Variants in KCNN3 observed in about 807,000 individuals in gnomAD.
KCNN3 encodes the protein small conductance calcium-activated potassium channel protein 3.
KCNN3 carries 16 observed loss-of-function variants against 62.9 expected under a neutral mutation model. The ratio of observed to expected loss-of-function variants is 0.25; its 90% CI spans 0.17 to 0.39. The LOEUF (loss-of-function observed/expected upper bound fraction) is 0.39. KCNN3 is among the 10% of genes least tolerant of loss of function. The pLI, the probability that KCNN3 is intolerant of heterozygous loss-of-function variation, is 1.00. For synonymous variants in KCNN3, 370 were observed against 389.2 expected, an observed-to-expected ratio of 0.95 and a Z score of 0.58; for missense variants, 599 against 949.4, an observed-to-expected ratio of 0.63 and a Z score of 4.85.
At chr1:154,843,602 G>C (rs1229085764) in intron 1 of KCNN3, among the ~76,000 whole-genome samples, 2 of 152,212 alleles carry the variant, frequency 1.3e-5, no homozygotes, top group African/African-American at 4.8e-5. Context: ...TAGCGAGTAT[G>C]CAGGGAGGCT....
At chr1:154,819,839 G>C (rs1650819394) in intron 2 of KCNN3, among the ~76,000 whole-genome samples, 1 of 152,198 alleles carries the variant, frequency 6.6e-6, no homozygotes, top group African/African-American at 2.4e-5. Context: ...GCAAGGCCCA[G>C]CTAGAAGCAG....
At chr1:154,866,301 C>T (rs1652955116) in intron 1 of KCNN3, among the ~76,000 whole-genome samples, 1 of 152,212 alleles carries the variant, frequency 6.6e-6, no homozygotes, top group African/African-American at 2.4e-5. Context: ...AAGATATCTC[C>T]TTTCCTCTCA....
intron 1 of KCNN3, chr1:154,859,651 C>T (rs1240049116): frequency 3.1e-6 from 5 of 1,589,552 alleles, no homozygotes; most frequent in Non-Finnish European, 4.3e-6. Context: ...AGGTCATCTG[C>T]TTCCTCCTCC....
In KCNN3 at chr1:154,704,539, A is replaced by C. The variant is rs1699927796; in HGVS notation, c.*3437T>G. On this transcript the variant is annotated 3_prime_UTR_variant, in exon 8 of 8. Transcript: ENST00000271915. The stretch of plus-strand genomic sequence containing the variant: ...AGTATCACAGTACATCCCTGACTTT[A>C]CAGTACATGAAGCTTTAATATGGCT... 6.6e-6 allele frequency: 1 copy of C among 152,120 alleles called. No homozygotes were observed. Among genetic ancestry groups the C allele is most frequent in the South Asian group, 2.1e-4 (1 of 4,828 alleles). 9.4% of individuals were successfully genotyped at this position (152,120 alleles called of 1,614,324 possible). A position where few individuals can be genotyped will look rare whatever the true frequency, so the allele number is the denominator to read the frequency against.
At chr1:154,811,924 C>T (rs1225606433) in intron 2 of KCNN3, among the ~76,000 whole-genome samples, 1 of 152,218 alleles carries the variant, frequency 6.6e-6, no homozygotes, top group African/African-American at 2.4e-5. Context: ...GCACAGTGCT[C>T]TTCGTTAGGC....
At chr1:154,860,188 G>A (rs1364706526) in intron 1 of KCNN3, among the ~76,000 whole-genome samples, 2 of 152,236 alleles carry the variant, frequency 1.3e-5, no homozygotes, top group African/African-American at 2.4e-5. Flanking sequence ...ATTCTAGGAA[G>A]CACCCTGACT....
At chr1:154,842,176 A>G (rs534878263) in intron 1 of KCNN3, among the ~76,000 whole-genome samples, 2 of 152,290 alleles carry the variant, frequency 1.3e-5, no homozygotes, top group Non-Finnish European at 2.9e-5. Context: ...TTGCCCTGCA[A>G]TGGGGTGGGA....
rs138546374 is a variant in KCNN3 at position 154,709,801 on chromosome 1, C to A, written c.1900-1529G>T. Among the ~76,000 whole-genome samples the A allele has an allele frequency of 2.6e-3, 402 of 152,216 alleles. 2 individuals carry two copies. The highest frequency in any genetic ancestry group is 8.5e-3 in the African/African-American group (355 of 41,538). On this transcript the variant is annotated intron_variant, in intron 7 of 7. Coordinates refer to ENST00000271915, the MANE Select transcript of KCNN3 (RefSeq NM_002249.6). ...AACCTCCTCGAGGCAAACATTCTTC[C>A]CGGAATGTGCAAAATCACCCATTTC...
intron 2 of KCNN3, among the ~76,000 whole-genome samples, chr1:154,817,330 C>T (rs1650708344): frequency 6.6e-6 from 1 of 152,170 alleles, no homozygotes; most frequent in Admixed American, 6.5e-5. Context: ...GATTAAATAC[C>T]AGAGGAAAGG....
At chr1:154,858,733 T>G (rs1444286348) in intron 1 of KCNN3, among the ~76,000 whole-genome samples, 1 of 148,012 alleles carries the variant, frequency 6.8e-6, no homozygotes, top group Admixed American at 6.8e-5. Context: ...ACAAGTCATG[T>G]AACTTTTTTT....
In KCNN3 at chr1:154,780,749, C is replaced by T. The variant is rs114382204; in HGVS notation, c.1030-8356G>A. Among the ~76,000 whole-genome samples the T allele has an allele frequency of 7.3e-3, 1,110 of 151,972 alleles. 8 individuals carry two copies. Among genetic ancestry groups the T allele is most frequent in the Non-Finnish European group, 0.012 (842 of 68,002 alleles). On this transcript the variant is annotated intron_variant, in intron 2 of 7. Coordinates refer to ENST00000271915, the MANE Select transcript of KCNN3 (RefSeq NM_002249.6). Reference sequence around the variant, plus strand: ...GAGGACAGGAGCTGATTGCCAGTGACGAAATGAACTTCTGGGTTTGCAGCA... The same window carrying T: ...GAGGACAGGAGCTGATTGCCAGTGATGAAATGAACTTCTGGGTTTGCAGCA...
At position 154,747,419 on chromosome 1, in the gene KCNN3, T is replaced by C. The variant is rs115462788; in HGVS notation, c.1449-14275A>G. On this transcript the variant is annotated intron_variant, in intron 3 of 7. Transcript: ENST00000271915. Reference sequence around the variant, plus strand: ...AAGAGGAGAGGGGACGTTCTCAGCCTCTGCACAGCGACACACTGGGGCAGA... The same window carrying C: ...AAGAGGAGAGGGGACGTTCTCAGCCCCTGCACAGCGACACACTGGGGCAGA... Among the ~76,000 whole-genome samples the C allele has an allele frequency of 6.5e-3, 990 of 152,278 alleles. 13 individuals carry two copies. Among genetic ancestry groups the C allele is most frequent in the African/African-American group, 0.023 (941 of 41,534 alleles).
rs1018146196 is a variant in KCNN3 at position 154,703,929 on chromosome 1, T to G, written c.*4047A>C. 1 of 152,230 alleles carries G rather than the reference T, an allele frequency of 6.6e-6. No homozygotes were observed. The highest frequency in any genetic ancestry group is 1.5e-5 in the Non-Finnish European group (1 of 68,042). 9.4% of individuals were successfully genotyped at this position (152,230 alleles called of 1,614,324 possible). On this transcript the variant is annotated 3_prime_UTR_variant, in exon 8 of 8. Coordinates refer to ENST00000271915, the MANE Select transcript of KCNN3 (RefSeq NM_002249.6). ...TTCATTTTAAGTACAGAGAAATTGA[T>G]GTATTAGGTGCTTATATGAATTGGC...
At chr1:154,712,310 T>A (rs976592923) in intron 7 of KCNN3, among the ~76,000 whole-genome samples, 1 of 151,876 alleles carries the variant, frequency 6.6e-6, no homozygotes, top group Non-Finnish European at 1.5e-5. Flanking sequence ...CCTGAGGGAG[T>A]TCTCTCCTGC....
intron 6 of KCNN3, 60 bp from the exon 7 acceptor site, chr1:154,713,593 C>A: frequency 7.2e-7 from 1 of 1,383,412 alleles, no homozygotes. Context: ...TTAGCCCCAC[C>A]AGCAGATCCT....
chr1:154,838,101 C>T (rs928402653), intron 1 of KCNN3, among the ~76,000 whole-genome samples: 16 of 152,114 alleles, frequency 1.1e-4, no homozygotes, highest in African/African-American at 3.4e-4. Context: ...AGGGGTCAGG[C>T]GGCCAGAGGT....
rs1699982579 is a variant in KCNN3 at position 154,707,317 on chromosome 1, GAAGCGAA to G, written c.*652_*658del. 1 of 152,088 alleles carries G rather than the reference GAAGCGAA, an allele frequency of 6.6e-6. No homozygotes were observed. The highest frequency in any genetic ancestry group is 1.5e-5 in the Non-Finnish European group (1 of 68,026). The allele number at this position is 152,088 out of a possible 1,614,324, so 9.4% of individuals were successfully genotyped here. ...ATTAAGCTCAAATAAGAAAGGACCT[GAAGCGAA>G]CGTGGGATGTGTATGTGTGTACATG... On this transcript the variant is annotated 3_prime_UTR_variant, in exon 8 of 8. Transcript: ENST00000271915.
At chr1:154,745,382 G>A (rs1700917710) in intron 3 of KCNN3, among the ~76,000 whole-genome samples, 1 of 152,246 alleles carries the variant, frequency 6.6e-6, no homozygotes, top group African/African-American at 2.4e-5. Context: ...TTTGGTTGGT[G>A]TGGCTTTTTC....
At chr1:154,797,091 G>A (rs1291565123) in intron 2 of KCNN3, among the ~76,000 whole-genome samples, 1 of 152,352 alleles carries the variant, frequency 6.6e-6, no homozygotes, top group East Asian at 1.9e-4. Flanking sequence ...CTCCGAAGGA[G>A]AGGAGAGGGT....
Sources: gnomAD v4.1 joint callset for allele counts (sites outside exome capture counted in the v4.1 genomes callset) on GRCh38, gnomAD v4.1.1 for gene constraint, MANE v1.5 for transcripts, NCBI Gene and HGNC (gene_info 2026-07-23, HGNC 2026-07-21) for gene names.